The following THADA variants were observed in gnomAD, a reference collection of about 807,000 sequenced individuals.
THADA encodes the protein tRNA (32-2'-O)-methyltransferase regulator THADA.
A neutral mutation model predicts 219.8 loss-of-function variants in THADA; 213 were observed. The ratio of observed to expected loss-of-function variants is 0.97; its 90% CI spans 0.87 to 1.09. THADA has a LOEUF of 1.09. Ranked by LOEUF, THADA falls within the 50% of genes least tolerant of loss-of-function variation. THADA has a pLI of 0.00. For synonymous variants in THADA, 1,018 were observed against 828.9 expected (o/e 1.23, Z -3.92); for missense variants, 2,956 against 2,311.3 (o/e 1.28, Z -5.72).
chr2:43,455,301 C>A (rs969417431), intron 26 of THADA, among the ~76,000 whole-genome samples: 2 of 152,126 alleles, frequency 1.3e-5, no homozygotes, highest in Admixed American at 6.5e-5. Flanking sequence ...TCTCACCTCC[C>A]TGAGAGTGTA....
intron 36 of THADA, among the ~76,000 whole-genome samples, chr2:43,268,418 C>G (rs368782480): frequency 2.6e-5 from 4 of 152,300 alleles, no homozygotes; most frequent in Admixed American, 2.0e-4. Context: ...CAGAGAAAAA[C>G]CCTCCCTGTA....
Position 43,538,862 on chromosome 2 carries a change from C to T in THADA, c.3264+2297G>A, listed in dbSNP as rs368294266. Among the ~76,000 whole-genome samples, 266 of 152,264 alleles carry T rather than the reference C, an allele frequency of 1.7e-3. 1 individual carries two copies. The highest frequency in any genetic ancestry group is 6.1e-3 in the African/African-American group (255 of 41,552). On this transcript the variant is annotated intron_variant, in intron 21 of 37. Coordinates refer to ENST00000405975, the MANE Select transcript of THADA (RefSeq NM_022065.5). ...ATAAACAAGCCCCATTTCTTCTCCC[C>T]ACACAGCAACAAAAAACCCCAAACT...
intron 29 of THADA, among the ~76,000 whole-genome samples, chr2:43,364,127 G>C (rs1345224436): frequency 6.6e-6 from 1 of 152,122 alleles, no homozygotes; most frequent in Non-Finnish European, 1.5e-5. Flanking sequence ...GGGAGGCTGA[G>C]GAGGGAGGAT....
At chr2:43,543,107 G>C (rs1331790888) in intron 20 of THADA, among the ~76,000 whole-genome samples, 4 of 146,952 alleles carry the variant, frequency 2.7e-5, no homozygotes, top group Non-Finnish European at 5.9e-5. Flanking sequence ...TCCCACCTAT[G>C]AGTGAGAATA....
intron 28 of THADA, among the ~76,000 whole-genome samples, chr2:43,410,783 C>A (rs1164616438): frequency 6.6e-6 from 1 of 152,110 alleles, no homozygotes; most frequent in Non-Finnish European, 1.5e-5. Flanking sequence ...TGTTCCTTAC[C>A]ATGACAGTGA....
chr2:43,363,034 GAGC>G (rs1438068986), intron 29 of THADA, among the ~76,000 whole-genome samples: 2 of 152,058 alleles, frequency 1.3e-5, no homozygotes, highest in African/African-American at 4.8e-5. Flanking sequence ...AACACGCATG[GAGC>G]AGTCACCGTA....
intron 29 of THADA, among the ~76,000 whole-genome samples, chr2:43,348,655 C>T (rs1667913190): frequency 6.6e-6 from 1 of 152,042 alleles, no homozygotes; most frequent in South Asian, 2.1e-4. Context: ...CAGGGCTTGG[C>T]AACTGCTTTA....
intron 26 of THADA, among the ~76,000 whole-genome samples, chr2:43,448,886 T>G (rs1681940949): frequency 6.6e-6 from 1 of 151,946 alleles, no homozygotes; most frequent in Admixed American, 6.6e-5. Context: ...GCATCCTGTT[T>G]CCAACAACAA....
At chr2:43,408,128 G>A (rs923112452) in intron 28 of THADA, among the ~76,000 whole-genome samples, 1 of 152,174 alleles carries the variant, frequency 6.6e-6, no homozygotes, top group African/African-American at 2.4e-5. Context: ...TTAGTCACCA[G>A]GACTTTGAAG....
rs999070317 is a variant in THADA, at chr2:43,523,487, A to G, written c.3374+4392T>C. ...CTGCATTTATTTATTTCTCAACTGC[A>G]TATTCTTTAGAGACTTGGTCTTTCA... On this transcript the variant is annotated intron_variant, in intron 22 of 37. Coordinates refer to ENST00000405975, the MANE Select transcript of THADA (RefSeq NM_022065.5). 1.8e-4 allele frequency among the ~76,000 whole-genome samples: 27 copies of G among 152,212 alleles called. 1 individual carries two copies. Among genetic ancestry groups the G allele is most frequent in the Admixed American group, 1.8e-3 (27 of 15,282 alleles).
At chr2:43,518,135 T>C (rs1220461471) in intron 22 of THADA, among the ~76,000 whole-genome samples, 1 of 152,226 alleles carries the variant, frequency 6.6e-6, no homozygotes, top group Non-Finnish European at 1.5e-5. Flanking sequence ...TCCTTCCTGT[T>C]ATTTCTCTAT....
chr2:43,351,018 AT>A (rs898769408), intron 29 of THADA, among the ~76,000 whole-genome samples: 12 of 152,262 alleles, frequency 7.9e-5, no homozygotes, highest in Admixed American at 2.0e-4. Context: ...GGGACTGGAA[AT>A]TCACTTTGGG....
At chr2:43,590,644 CAAAAAAA>C (rs768406325) in intron 4 of THADA, among the ~76,000 whole-genome samples, 173 bp downstream of exon 4, 9 of 59,232 alleles carry the variant, frequency 1.5e-4, no homozygotes, top group African/African-American at 4.7e-4. Context: ...GACTCCGTCT[CAAAAAAA>C]AAAAAAAAAA....
chr2:43,247,594 T>C (rs960160906), intron 36 of THADA, among the ~76,000 whole-genome samples: 3 of 151,678 alleles, frequency 2.0e-5, no homozygotes, highest in African/African-American at 7.3e-5. Flanking sequence ...CTGGGAGTAT[T>C]GGCAGGTGCC....
In THADA at chr2:43,231,233, G is replaced by A; in HGVS notation, c.5577C>T (p.Gly1859=). 6.2e-7 allele frequency: 1 copy of A among 1,613,822 alleles called. No homozygotes were observed. The highest frequency in any genetic ancestry group is 8.5e-7 in the Non-Finnish European group (1 of 1,179,798). ...KHLFCLLSKS[G]WRPPSPEMLC... ...GCATCTCAGGGCTTGGGGGACGCCA[G>A]CCGGACTTTGAGAGGAGACAGAAGA... Residue 1859 remains glycine (G), a synonymous_variant, in exon 38 of 38, where the codon GGC becomes GGT. Coordinates refer to ENST00000405975, the MANE Select transcript of THADA (RefSeq NM_022065.5).
At chr2:43,369,507 C>A (rs1308479923) in intron 29 of THADA, among the ~76,000 whole-genome samples, 1 of 152,192 alleles carries the variant, frequency 6.6e-6, no homozygotes, top group East Asian at 1.9e-4. Flanking sequence ...TAACTTATCT[C>A]TTATATTAAC....
chr2:43,430,266 T>C lies in THADA; in HGVS notation c.3873A>G (p.Glu1291=), dbSNP rs1469952588. 2 of 1,551,792 alleles carry C rather than the reference T, an allele frequency of 1.3e-6. No homozygotes were observed. The highest frequency in any genetic ancestry group is 2.0e-5 in the Admixed American group (1 of 50,476). ...TGREFFSRFP[E]LYPFLLKQLE... ...ACTGTTTGAGAAGAAAAGGATAGAG[T>C]TCTGGGAAACGAGAGAAAAACTCTC... The change falls in exon 27 of 38, where the codon GAA becomes GAG. Residue 1291 remains glutamate, a synonymous_variant. Coordinates refer to ENST00000405975, the MANE Select transcript of THADA (RefSeq NM_022065.5).
chr2:43,451,882 C>CA (rs1682385513), intron 26 of THADA, among the ~76,000 whole-genome samples: 1 of 152,038 alleles, frequency 6.6e-6, no homozygotes, highest in Non-Finnish European at 1.5e-5. Flanking sequence ...TGAGGCAGGT[C>CA]AATCACCTGA....
chr2:43,432,720 T>C (rs1244029969), intron 26 of THADA, among the ~76,000 whole-genome samples: 1 of 152,180 alleles, frequency 6.6e-6, no homozygotes, highest in Non-Finnish European at 1.5e-5. Context: ...TAGCCATCCT[T>C]GTGGGTATGC....
Sources: allele counts gnomAD v4.1 joint callset (sites outside exome capture counted in the v4.1 genomes callset), GRCh38; gene constraint gnomAD v4.1.1; transcripts MANE v1.5; gene names NCBI Gene and HGNC (gene_info 2026-07-23, HGNC 2026-07-21).